PRELID2: variants seen among roughly 807,000 people sequenced by gnomAD.
PRELID2 encodes the protein PRELI domain containing 2.
A neutral mutation model predicts 28.4 loss-of-function variants in PRELID2; 25 were observed. That is an observed-to-expected ratio of 0.88 (90% confidence interval 0.64 to 1.23). The LOEUF (loss-of-function observed/expected upper bound fraction) is 1.23. Ranked by LOEUF, PRELID2 falls within the 50% of genes most tolerant of loss-of-function variation. The probability of loss-of-function intolerance (pLI) is 0.00; values close to 1 mark genes in which losing one functional copy is unlikely to be tolerated. For synonymous variants in PRELID2, 76 were observed against 71.6 expected, an observed-to-expected ratio of 1.06 and a Z score of -0.31; for missense variants, 201 against 214.4, an observed-to-expected ratio of 0.94 and a Z score of 0.39.
At chr5:145,383,797 C>A in the PRELID2 span, among the ~76,000 whole-genome samples, 1 of 151,598 alleles carries the variant, frequency 6.6e-6, no homozygotes, top group African/African-American at 2.4e-5. Context: ...AGAGAAGACC[C>A]AAAGAGGACC....
In PRELID2 at chr5:145,717,906, T is replaced by C. The variant is rs1250251480; in HGVS notation, n.70+47025A>G. Among the ~76,000 whole-genome samples the C allele has an allele frequency of 2.0e-5, 3 of 151,878 alleles. No homozygotes were observed. The East Asian group carries it at 5.8e-4, about 29-fold the overall frequency. On this transcript the variant is annotated intron_variant and non_coding_transcript_variant, in intron 1 of 2. Coordinates refer to the PRELID2 transcript ENST00000510259. ...GTCCTTCAGAGGCTGAGTATTTTCT[T>C]CTCCATGGTAAGAATAACTTTTCTG...
the PRELID2 span, among the ~76,000 whole-genome samples, chr5:145,442,475 G>T: frequency 6.6e-6 from 1 of 151,920 alleles, no homozygotes; most frequent in African/African-American, 2.4e-5. Flanking sequence ...CAGGTGGATC[G>T]GCAGGTTGAG....
At chr5:145,303,786 C>A in the PRELID2 span, among the ~76,000 whole-genome samples, 1 of 152,164 alleles carries the variant, frequency 6.6e-6, no homozygotes, top group African/African-American at 2.4e-5. Context: ...ATTACAAATC[C>A]TCCATTTCAT....
the PRELID2 span, among the ~76,000 whole-genome samples, chr5:145,297,679 G>A: frequency 5.3e-5 from 8 of 152,034 alleles, no homozygotes; most frequent in African/African-American, 1.9e-4. Context: ...AAGTCAAATT[G>A]TCCCTGTTTG....
intron 5 of PRELID2, among the ~76,000 whole-genome samples, chr5:145,768,915 G>A (rs1400922897): frequency 6.6e-6 from 1 of 151,796 alleles, no homozygotes; most frequent in African/African-American, 2.4e-5. Context: ...GGAGAGAGAG[G>A]CCTATAAAAT....
At chr5:145,295,128 T>A in the PRELID2 span, among the ~76,000 whole-genome samples, 1 of 152,088 alleles carries the variant, frequency 6.6e-6, no homozygotes, top group Non-Finnish European at 1.5e-5. Context: ...GTGGAAACAT[T>A]TATGATGCAC....
chr5:145,323,417 G>A, the PRELID2 span, among the ~76,000 whole-genome samples: 4 of 152,164 alleles, frequency 2.6e-5, no homozygotes, highest in Non-Finnish European at 5.9e-5. Flanking sequence ...GATCAGACTT[G>A]TATTTTTTAA....
chr5:145,392,627 T>C, the PRELID2 span, among the ~76,000 whole-genome samples: 1 of 151,778 alleles, frequency 6.6e-6, no homozygotes, highest in Non-Finnish European at 1.5e-5. Context: ...TAATTGTAAC[T>C]AGCTTTAATA....
At chr5:145,320,176 G>T in the PRELID2 span, among the ~76,000 whole-genome samples, 3 of 152,112 alleles carry the variant, frequency 2.0e-5, no homozygotes, top group Non-Finnish European at 2.9e-5. Flanking sequence ...TGTACTTTTA[G>T]TCAGGGAATA....
chr5:145,786,112 T>C (rs1424617202), intron 5 of PRELID2, among the ~76,000 whole-genome samples: 1 of 152,056 alleles, frequency 6.6e-6, no homozygotes, highest in Non-Finnish European at 1.5e-5. Context: ...GTTAATGAGG[T>C]TTCTGGGATG....
intron 1 of PRELID2, among the ~76,000 whole-genome samples, chr5:145,618,938 T>C (rs887024315): frequency 6.6e-6 from 1 of 151,762 alleles, no homozygotes; most frequent in South Asian, 2.1e-4. Flanking sequence ...CTCTGCTGAG[T>C]CATGCAGGTT....
chr5:145,785,700 G>A lies in PRELID2; in HGVS notation c.474+10742C>T, dbSNP rs759865490. 3.4e-4 allele frequency among the ~76,000 whole-genome samples: 51 copies of A among 152,238 alleles called. 1 individual carries two copies. The highest frequency in any genetic ancestry group is 4.6e-4 in the African/African-American group (19 of 41,546). On this transcript the variant is annotated intron_variant, in intron 5 of 6. Transcript: ENST00000683046. ...AACTAGCATAATGGATATTAGAAAT[G>A]GACTGTCATTAACTCAATGAATGGA...
At chr5:145,716,565 T>C (rs1755849517) in intron 1 of PRELID2, among the ~76,000 whole-genome samples, 1 of 152,216 alleles carries the variant, frequency 6.6e-6, no homozygotes, top group Non-Finnish European at 1.5e-5. Context: ...AGGCAATCTA[T>C]GATACCATCA....
intron 5 of PRELID2, among the ~76,000 whole-genome samples, chr5:145,771,760 C>G (rs1454156779): frequency 6.6e-6 from 1 of 151,972 alleles, no homozygotes; most frequent in African/African-American, 2.4e-5. Flanking sequence ...GAGGCTGAGG[C>G]AGGAGAATTG....
chr5:145,644,902 T>C (rs1561529971), intron 1 of PRELID2, among the ~76,000 whole-genome samples: 1 of 152,182 alleles, frequency 6.6e-6, no homozygotes, highest in Non-Finnish European at 1.5e-5. Context: ...ATTTCTGTTC[T>C]TTTGCATTTG....
intron 1 of PRELID2, among the ~76,000 whole-genome samples, chr5:145,668,619 G>A (rs1754643835): frequency 6.6e-6 from 1 of 151,904 alleles, no homozygotes; most frequent in Non-Finnish European, 1.5e-5. Context: ...GTTGGGCACT[G>A]GGCTAAGCAC....
chr5:145,601,291 T>C (rs1753393490), intron 1 of PRELID2, among the ~76,000 whole-genome samples: 1 of 151,986 alleles, frequency 6.6e-6, no homozygotes, highest in Non-Finnish European at 1.5e-5. Flanking sequence ...CTGAAATAAA[T>C]AAATTGCTTA....
intron 1 of PRELID2, among the ~76,000 whole-genome samples, chr5:145,749,009 A>C (rs1757063088): frequency 6.6e-6 from 1 of 152,176 alleles, no homozygotes; most frequent in Non-Finnish European, 1.5e-5. Context: ...TAAAACCCCA[A>C]ACCAAAAAAA....
chr5:145,293,992 T>C, the PRELID2 span, among the ~76,000 whole-genome samples: 1 of 152,164 alleles, frequency 6.6e-6, no homozygotes, highest in Non-Finnish European at 1.5e-5. Flanking sequence ...CTCCAGAGCT[T>C]CAAGTTGTGT....
Sources: gnomAD v4.1 joint callset for allele counts (sites outside exome capture counted in the v4.1 genomes callset) on GRCh38, gnomAD v4.1.1 for gene constraint, MANE v1.5 for transcripts, NCBI Gene and HGNC (gene_info 2026-07-23, HGNC 2026-07-21) for gene names.